SLCO1B1: variants seen among roughly 807,000 people sequenced by gnomAD.
SLCO1B1 encodes the protein solute carrier organic anion transporter family member 1B1.
A neutral mutation model predicts 70.1 loss-of-function variants in SLCO1B1; 81 were observed. The observed-to-expected ratio is 1.16, with a 90% CI of 0.97 to 1.39. The LOEUF is 1.39. Among genes scored for constraint, SLCO1B1 ranks in the 40% most tolerant of loss-of-function variants. SLCO1B1 has a pLI of 0.00. For missense variants in SLCO1B1, 895 were observed against 799.6 expected, an observed-to-expected ratio of 1.12 and a Z score of -1.44; for synonymous variants, 283 against 271.5, an observed-to-expected ratio of 1.04 and a Z score of -0.42.
At position 21,178,984 on chromosome 12, in the gene SLCO1B1, T is replaced by C; in HGVS notation, c.691T>C (p.Ser231Pro). The C allele has an allele frequency of 5.6e-6, 9 of 1,611,432 alleles. No homozygotes were observed. The highest frequency in any genetic ancestry group is 7.6e-6 in the Non-Finnish European group (9 of 1,177,852). The stretch of plus-strand genomic sequence containing the variant: ...TGGCTTTACCCTGGGATCTCTGTTT[T>C]CTAAAATGTACGTGGATATTGGATA... ...IIGFTLGSLFSKMYVDIGYVD... is the reference protein window; with the variant it reads ...IIGFTLGSLFPKMYVDIGYVD... The change falls in exon 7 of 15, where the codon TCT becomes CCT. Residue 231 changes from serine to proline, a missense_variant. Physicochemically the swap from Ser to Pro is moderately conservative, Grantham distance 74. Coordinates refer to ENST00000256958, the MANE Select transcript of SLCO1B1 (RefSeq NM_006446.5).
intron 1 of SLCO1B1, among the ~76,000 whole-genome samples, chr12:21,139,166 A>G (rs1282958485): frequency 6.6e-6 from 1 of 152,150 alleles, no homozygotes; most frequent in Admixed American, 6.6e-5. Context: ...CAAGTCATAC[A>G]GAGATATTTG....
chr12:21,145,249 G>T (rs1412777425), intron 2 of SLCO1B1, among the ~76,000 whole-genome samples: 3 of 152,042 alleles, frequency 2.0e-5, no homozygotes, highest in African/African-American at 7.2e-5. Context: ...TTTATAAGGT[G>T]CTTAGCACAG....
intron 2 of SLCO1B1, among the ~76,000 whole-genome samples, chr12:21,170,812 A>G (rs1940747707): frequency 6.6e-6 from 1 of 152,188 alleles, no homozygotes; most frequent in Non-Finnish European, 1.5e-5. Context: ...ATATCATTTG[A>G]TAGTTTCTTA....
intron 8 of SLCO1B1, among the ~76,000 whole-genome samples, chr12:21,198,976 A>G (rs1165522020): frequency 1.3e-5 from 2 of 152,114 alleles, no homozygotes; most frequent in Non-Finnish European, 2.9e-5. Flanking sequence ...AATACTTACA[A>G]ATCAGGGATG....
chr12:21,193,942 C>G (rs1311613912), intron 7 of SLCO1B1, among the ~76,000 whole-genome samples: 2 of 152,128 alleles, frequency 1.3e-5, no homozygotes, highest in Non-Finnish European at 2.9e-5. Context: ...AGGTGCCCAC[C>G]ACGATGCCTG....
Position 21,172,753 on chromosome 12 carries a change from C to T in SLCO1B1, c.188C>T (p.Ser63Phe). ...IHIERRFEIS[S>F]SLVGFIDGSF... ...ATAGAACGGAGATTTGAGATATCCT[C>T]TTCTCTTGTTGGTTTTATTGACGGA... The change falls in exon 3 of 15, where the codon TCT (serine) becomes TTT (phenylalanine). Residue 63 changes from serine to phenylalanine, a missense_variant. Ser to Phe is a radical substitution (Grantham distance 155, BLOSUM62 -2). Transcript: ENST00000256958. 1 of 1,613,440 alleles carries T rather than the reference C, an allele frequency of 6.2e-7. No homozygotes were observed. Among genetic ancestry groups the T allele is most frequent in the African/African-American group, 1.3e-5 (1 of 75,018 alleles).
At chr12:21,236,768 T>C (rs1315253370) in intron 14 of SLCO1B1, among the ~76,000 whole-genome samples, 2 of 152,212 alleles carry the variant, frequency 1.3e-5, no homozygotes, top group Non-Finnish European at 2.9e-5. Context: ...TATTTGGTAC[T>C]TCTTTATTCA....
intron 13 of SLCO1B1, among the ~76,000 whole-genome samples, chr12:21,223,485 G>T (rs887706765): frequency 3.3e-5 from 5 of 152,110 alleles, no homozygotes; most frequent in African/African-American, 1.2e-4. Flanking sequence ...ATTATGTGGG[G>T]AAAATAAACT....
intron 1 of SLCO1B1, among the ~76,000 whole-genome samples, chr12:21,137,299 G>A (rs991085758): frequency 5.9e-5 from 9 of 152,194 alleles, no homozygotes; most frequent in African/African-American, 1.9e-4. Context: ...TGAGGAGGCA[G>A]TCTGCCTGTT....
chr12:21,188,382 C>T (rs1208254566), intron 7 of SLCO1B1, among the ~76,000 whole-genome samples: 2 of 152,078 alleles, frequency 1.3e-5, no homozygotes, highest in Admixed American at 1.3e-4. Flanking sequence ...TTCTTTATAA[C>T]ATTTTTTCTC....
chr12:21,139,799 G>A (rs1940281573), intron 1 of SLCO1B1, among the ~76,000 whole-genome samples: 1 of 152,110 alleles, frequency 6.6e-6, no homozygotes, highest in Non-Finnish European at 1.5e-5. Context: ...GCTCACATAT[G>A]ATAAAGAAAT....
At chr12:21,209,267 T>C (rs1941251402) in intron 11 of SLCO1B1, among the ~76,000 whole-genome samples, 1 of 151,614 alleles carries the variant, frequency 6.6e-6, no homozygotes, top group African/African-American at 2.4e-5. Context: ...GTCCATGTGA[T>C]CTCATTGTTC....
intron 2 of SLCO1B1, among the ~76,000 whole-genome samples, chr12:21,145,403 TC>T (rs1940367402): frequency 6.7e-6 from 1 of 150,282 alleles, no homozygotes; most frequent in Non-Finnish European, 1.5e-5. Flanking sequence ...CCTCCCAGGC[TC>T]AAGTGATTCT....
chr12:21,160,860 G>C lies in SLCO1B1; in HGVS notation c.85-11790G>C, dbSNP rs141135678. Among the ~76,000 whole-genome samples, 206 of 152,024 alleles carry C rather than the reference G, an allele frequency of 1.4e-3. 1 individual carries two copies. The highest frequency in any genetic ancestry group is 4.7e-3 in the African/African-American group (194 of 41,456). On this transcript the variant is annotated intron_variant, in intron 2 of 14. Coordinates refer to ENST00000256958, the MANE Select transcript of SLCO1B1 (RefSeq NM_006446.5). ...AAAATGTAGGCAAAGGGTATGAACA[G>C]ACACTTTTCAAAAGAAGACATACAC...
At chr12:21,205,730 C>A in intron 10 of SLCO1B1, 138 bp from the exon 11 acceptor site, 1 of 627,304 alleles carries the variant, frequency 1.6e-6, no homozygotes, top group Non-Finnish European at 2.6e-6. Context: ...AAGCAAATTT[C>A]TTCATATAAA....
chr12:21,156,565 T>C (rs1424526532), intron 2 of SLCO1B1, among the ~76,000 whole-genome samples: 1 of 152,150 alleles, frequency 6.6e-6, no homozygotes, highest in Non-Finnish European at 1.5e-5. Flanking sequence ...TAGAATTGCC[T>C]AACGTTAGTT....
intron 7 of SLCO1B1, among the ~76,000 whole-genome samples, chr12:21,190,026 T>C (rs1428150936): frequency 6.6e-6 from 1 of 152,000 alleles, no homozygotes; most frequent in Non-Finnish European, 1.5e-5. Context: ...TCAGTCAGAG[T>C]GGTGGAAGAA....
rs549143995 is a variant in SLCO1B1 at position 21,233,593 on chromosome 12, C to T, written c.1866-5386C>T. 1.7e-4 allele frequency among the ~76,000 whole-genome samples: 26 copies of T among 150,764 alleles called. No individual in the cohort carries two copies. The East Asian group carries it at 4.5e-3, about 26-fold the overall frequency. On this transcript the variant is annotated intron_variant, in intron 14 of 14. Transcript: ENST00000256958. The stretch of plus-strand genomic sequence containing the variant: ...AAACAAAAAAAAAAAAACAAGAGCC[C>T]CAAAGGAGCCAAACCAAGGCCCCTA...
In SLCO1B1 at chr12:21,200,647, T is replaced by C; in HGVS notation, c.1110T>C (p.Pro370=). 1 of 1,612,422 alleles carries C rather than the reference T, an allele frequency of 6.2e-7. No homozygotes were observed. The highest frequency in any genetic ancestry group is 8.5e-7 in the Non-Finnish European group (1 of 1,179,042). The change falls in exon 9 of 15, where the codon CCT becomes CCC. Residue 370 remains proline (P), a synonymous_variant. Coordinates refer to ENST00000256958, the MANE Select transcript of SLCO1B1 (RefSeq NM_006446.5). The part of the protein sequence containing the change: ...FKYVEQQYGQ[P]SSKANILLGV... ...ACGTAGAGCAACAGTATGGTCAGCCTTCATCTAAGGCTAACATCTTATTGG... is the reference window on the plus strand; with the variant it reads ...ACGTAGAGCAACAGTATGGTCAGCCCTCATCTAAGGCTAACATCTTATTGG...
Sources: allele counts gnomAD v4.1 joint callset (sites outside exome capture counted in the v4.1 genomes callset), GRCh38; gene constraint gnomAD v4.1.1; transcripts MANE v1.5; gene names NCBI Gene and HGNC (gene_info 2026-07-23, HGNC 2026-07-21).